Variants in PDIA5 observed in about 807,000 individuals in gnomAD.
PDIA5 encodes protein disulfide-isomerase A5.
PDIA5 carries 58 observed loss-of-function variants against 77.6 expected under a neutral mutation model. The ratio of observed to expected loss-of-function variants is 0.75; its 90% CI spans 0.61 to 0.93. The LOEUF (loss-of-function observed/expected upper bound fraction) is 0.93, where lower values mean the gene tolerates loss of function less well. Ranked by LOEUF, PDIA5 falls within the 40% of genes least tolerant of loss-of-function variation. PDIA5 has a pLI of 0.00. For missense variants in PDIA5, 630 were observed against 647.7 expected (o/e 0.97, Z 0.30); for synonymous variants, 250 against 252.1 (o/e 0.99, Z 0.08).
chr3:123,102,571 TTTAG>T (rs977389957), intron 4 of PDIA5, 77 bp downstream of exon 4: 1 of 1,160,854 alleles, frequency 8.6e-7, no homozygotes, highest in African/African-American at 1.5e-5. Flanking sequence ...AACAGCAATT[TTTAG>T]TTAGATTAAT....
At chr3:123,126,536 CA>C in intron 10 of PDIA5, among the ~76,000 whole-genome samples, 1 of 152,342 alleles carries the variant, frequency 6.6e-6, no homozygotes, top group Non-Finnish European at 1.5e-5. Flanking sequence ...CCCTATTACC[CA>C]AAGATAGCAT....
chr3:123,101,870 C>T (rs1934604416), intron 3 of PDIA5, among the ~76,000 whole-genome samples: 2 of 148,072 alleles, frequency 1.4e-5, no homozygotes, highest in African/African-American at 5.0e-5. Context: ...ACACATGCTC[C>T]TGTCTGCTTT....
rs928030035 is a variant in PDIA5, at chr3:123,145,253, G to T, written c.911-269G>T. ...AGTTCCTACTTTGTGGGGTAGTTATGAGGCTGTAAGGCACTGGTCAGTACC... is the reference window on the plus strand; with the variant it reads ...AGTTCCTACTTTGTGGGGTAGTTATTAGGCTGTAAGGCACTGGTCAGTACC... On this transcript the variant is annotated intron_variant, in intron 11 of 16. Transcript: ENST00000316218. The T allele has an allele frequency of 1.8e-4, 72 of 405,122 alleles. No homozygotes were observed. In the East Asian group the frequency reaches 3.2e-3, roughly 18 times the overall value. 25.1% of individuals were successfully genotyped at this position (405,122 alleles called of 1,614,324 possible). A position where few individuals can be genotyped will look rare whatever the true frequency, so the allele number is the denominator to read the frequency against.
chr3:123,114,742 T>C (rs926202060), intron 7 of PDIA5, among the ~76,000 whole-genome samples: 2 of 152,236 alleles, frequency 1.3e-5, no homozygotes, highest in African/African-American at 2.4e-5. Flanking sequence ...GTGTTCGCAC[T>C]GAGGTGGCAG....
intron 5 of PDIA5, among the ~76,000 whole-genome samples, chr3:123,106,201 C>T (rs769084142): frequency 1.4e-4 from 21 of 152,130 alleles, no homozygotes; most frequent in East Asian, 3.9e-4. Flanking sequence ...TATACAGAGG[C>T]GGATAATCAG....
intron 10 of PDIA5, among the ~76,000 whole-genome samples, chr3:123,125,355 C>T (rs781352397): frequency 6.6e-5 from 10 of 152,128 alleles, no homozygotes; most frequent in Non-Finnish European, 1.2e-4. Context: ...AAGATGTTAC[C>T]GTTCTCTTCA....
At chr3:123,081,007 C>T (rs2107910651) in intron 1 of PDIA5, among the ~76,000 whole-genome samples, 1 of 152,312 alleles carries the variant, frequency 6.6e-6, no homozygotes, top group South Asian at 2.1e-4. Flanking sequence ...TAAGAAGACT[C>T]TTATCAGATG....
intron 10 of PDIA5, 56 bp downstream of exon 10, chr3:123,124,399 CGGGCCTGAGGGTCGCA>C: frequency 7.7e-7 from 1 of 1,306,958 alleles, no homozygotes; most frequent in East Asian, 2.3e-5. Flanking sequence ...GGGCATCTGC[CGGGCCTGAGGGTCGCA>C]GGGCTCTGGC....
intron 6 of PDIA5, among the ~76,000 whole-genome samples, chr3:123,109,000 T>G (rs1219905947): frequency 6.6e-6 from 1 of 152,206 alleles, no homozygotes; most frequent in Non-Finnish European, 1.5e-5. Flanking sequence ...CCTGTAATGA[T>G]GAATGTTGAT....
chr3:123,158,030 T>C (rs1936058023), intron 15 of PDIA5, among the ~76,000 whole-genome samples: 2 of 152,242 alleles, frequency 1.3e-5, no homozygotes, highest in South Asian at 4.1e-4. Flanking sequence ...GGCCATGACA[T>C]GTAGGTCCTC....
At chr3:123,068,546 G>A (rs1268670000) in intron 1 of PDIA5, among the ~76,000 whole-genome samples, 1 of 152,218 alleles carries the variant, frequency 6.6e-6, no homozygotes. Context: ...GCCAGGAGGA[G>A]GGAGCTATCT....
chr3:123,130,104 AT>A (rs1198587122), intron 10 of PDIA5, among the ~76,000 whole-genome samples: 1 of 152,188 alleles, frequency 6.6e-6, no homozygotes, highest in Non-Finnish European at 1.5e-5. Flanking sequence ...AAAGGTCACC[AT>A]TCACTGTTGC....
At chr3:123,115,561 A>G (rs1235022780) in intron 7 of PDIA5, among the ~76,000 whole-genome samples, 1 of 152,204 alleles carries the variant, frequency 6.6e-6, no homozygotes, top group East Asian at 1.9e-4. Flanking sequence ...CTCATCTGCC[A>G]GAAGAAACAG....
chr3:123,108,141 G>A (rs1313781541), intron 6 of PDIA5, among the ~76,000 whole-genome samples: 1 of 152,026 alleles, frequency 6.6e-6, no homozygotes, highest in African/African-American at 2.4e-5. Flanking sequence ...AGAAAATGAT[G>A]CCTTTTTTTA....
intron 11 of PDIA5, among the ~76,000 whole-genome samples, chr3:123,143,309 C>T (rs966582675): frequency 4.7e-5 from 7 of 149,148 alleles, no homozygotes; most frequent in Non-Finnish European, 1.0e-4. Context: ...CACTTGAACC[C>T]AGGAGGCGGA....
At chr3:123,112,734 A>G (rs1011698608) in intron 7 of PDIA5, among the ~76,000 whole-genome samples, 2 of 151,198 alleles carry the variant, frequency 1.3e-5, no homozygotes, top group East Asian at 3.9e-4. Flanking sequence ...ATTTTTGTAT[A>G]TTTTTAGTAG....
intron 15 of PDIA5, among the ~76,000 whole-genome samples, chr3:123,159,735 A>G (rs1936112198): frequency 6.6e-6 from 1 of 152,204 alleles, no homozygotes; most frequent in Non-Finnish European, 1.5e-5. Flanking sequence ...CTCACCGTAT[A>G]GAATGTTACA....
At chr3:123,117,399 T>TATATATATATATATATATATATA (rs60353329) in intron 8 of PDIA5, among the ~76,000 whole-genome samples, 71 of 135,290 alleles carry the variant, frequency 5.2e-4, no homozygotes, top group African/African-American at 8.4e-4. Flanking sequence ...TATATATATA[T>TATATATATATATATATATATATA]TCTGTTTTAG....
chr3:123,115,860 G>C (rs368789095), intron 7 of PDIA5, among the ~76,000 whole-genome samples: 2 of 152,258 alleles, frequency 1.3e-5, no homozygotes, highest in Non-Finnish European at 2.9e-5. Context: ...GTGGCCTTTT[G>C]CTGTGCGTGC....
Sources: allele counts gnomAD v4.1 joint callset (sites outside exome capture counted in the v4.1 genomes callset), GRCh38; gene constraint gnomAD v4.1.1; transcripts MANE v1.5; gene names NCBI Gene and HGNC (gene_info 2026-07-23, HGNC 2026-07-21).